FKBP5: variants seen among roughly 807,000 people sequenced by gnomAD.
FKBP5 encodes the protein peptidyl-prolyl cis-trans isomerase FKBP5.
FKBP5 carries 23 observed loss-of-function variants against 50.5 expected under a neutral mutation model. That is an observed-to-expected ratio of 0.46 (90% confidence interval 0.33 to 0.65). The LOEUF (loss-of-function observed/expected upper bound fraction) is 0.65. FKBP5 is among the 30% of genes least tolerant of loss of function. The probability of loss-of-function intolerance (pLI) is 0.02; values close to 1 mark genes in which losing one functional copy is unlikely to be tolerated. For missense variants in FKBP5, 411 were observed against 553.1 expected (o/e 0.74, Z 2.58); for synonymous variants, 176 against 190.6 (o/e 0.92, Z 0.63).
At chr6:35,666,511 A>G (rs9368881) in intron 1 of FKBP5, among the ~76,000 whole-genome samples, 96,358 of 151,270 alleles carry the variant, frequency 0.64, 31,016 homozygotes, top group East Asian at 0.68. Flanking sequence ...TTACAAACGA[A>G]TTGATATGGA....
upstream of FKBP5, among the ~76,000 whole-genome samples, chr6:35,690,188 G>A (rs948238213): frequency 6.6e-6 from 1 of 152,228 alleles, no homozygotes; most frequent in African/African-American, 2.4e-5. Context: ...ATGCCTGGGC[G>A]CCGGGCGCGG....
chr6:35,630,540 G>A (rs115266770), intron 3 of FKBP5, among the ~76,000 whole-genome samples: 3,556 of 152,038 alleles, frequency 0.023, 93 homozygotes, highest in African/African-American at 0.055. Flanking sequence ...GCGAGACTCC[G>A]TCTCAAAAAA....
At chr6:35,636,956 T>C (rs1030968505) in intron 3 of FKBP5, 58 bp downstream of exon 3, 3 of 1,472,654 alleles carry the variant, frequency 2.0e-6, no homozygotes, top group African/African-American at 1.4e-5. Context: ...TCTGCTCCTA[T>C]ATATTACAAA....
chr6:35,711,183 G>A (rs763751813), intron 2 of FKBP5, among the ~76,000 whole-genome samples: 1 of 152,040 alleles, frequency 6.6e-6, no homozygotes, highest in Non-Finnish European at 1.5e-5. Context: ...CAAGAGTGGT[G>A]GCTCGCACCT....
At chr6:35,621,168 C>T (rs956366739) in intron 3 of FKBP5, among the ~76,000 whole-genome samples, 39 of 152,238 alleles carry the variant, frequency 2.6e-4, no homozygotes, top group Middle Eastern at 6.8e-3. Context: ...TGCCTACTTC[C>T]AGGAAACTAA....
chr6:35,727,232 C>T (rs902345700), intron 1 of FKBP5, among the ~76,000 whole-genome samples: 1 of 152,170 alleles, frequency 6.6e-6, no homozygotes, highest in African/African-American at 2.4e-5. Flanking sequence ...GCCTTCCACA[C>T]GGTAAACGTG....
intron 5 of FKBP5, among the ~76,000 whole-genome samples, chr6:35,602,357 T>A (rs1231757211): frequency 6.6e-6 from 1 of 152,098 alleles, no homozygotes; most frequent in Non-Finnish European, 1.5e-5. Context: ...CTAATTATAG[T>A]AGTTGGTGTC....
At chr6:35,681,889 C>T (rs1460179571) in intron 1 of FKBP5, among the ~76,000 whole-genome samples, 1 of 152,032 alleles carries the variant, frequency 6.6e-6, no homozygotes, top group Non-Finnish European at 1.5e-5. Context: ...TCTGATCACG[C>T]CACTGCACTC....
intron 1 of FKBP5, among the ~76,000 whole-genome samples, chr6:35,649,164 T>C (rs1018654893): frequency 1.4e-5 from 2 of 143,792 alleles, no homozygotes; most frequent in African/African-American, 5.2e-5. Flanking sequence ...GGCAGAAGAA[T>C]GGCGTGAACC....
At chr6:35,681,830 A>T (rs1765669212) in intron 1 of FKBP5, among the ~76,000 whole-genome samples, 1 of 152,216 alleles carries the variant, frequency 6.6e-6, no homozygotes. Flanking sequence ...ATATTTATAC[A>T]TATGTGTAAT....
intron 2 of FKBP5, 136 bp downstream of exon 2, chr6:35,642,584 T>G: frequency 6.0e-5 from 34 of 563,406 alleles, no homozygotes; most frequent in East Asian, 1.2e-4. Context: ...GAAGACAAAA[T>G]GAGAATCTAG....
At chr6:35,672,346 G>A (rs1046878139) in intron 1 of FKBP5, among the ~76,000 whole-genome samples, 1 of 151,800 alleles carries the variant, frequency 6.6e-6, no homozygotes, top group African/African-American at 2.4e-5. Context: ...CTGATACAAA[G>A]TATTGAGGAC....
At chr6:35,717,236 A>T (rs762011271) in intron 2 of FKBP5, among the ~76,000 whole-genome samples, 5 of 152,230 alleles carry the variant, frequency 3.3e-5, no homozygotes, top group Non-Finnish European at 5.9e-5. Flanking sequence ...AACTGAGCCC[A>T]CATTTCCCCT....
intron 1 of FKBP5, among the ~76,000 whole-genome samples, chr6:35,654,593 C>G (rs534285014): frequency 6.6e-6 from 1 of 152,006 alleles, no homozygotes; most frequent in African/African-American, 2.4e-5. Context: ...CTGGCACTTT[C>G]TTTCTTGACT....
chr6:35,613,217 A>G (rs77946732), intron 5 of FKBP5, among the ~76,000 whole-genome samples: 3,505 of 151,132 alleles, frequency 0.023, 134 homozygotes, highest in African/African-American at 0.081. Flanking sequence ...TATTTATTTT[A>G]TTTATTTATT....
At chr6:35,622,972 G>A (rs1763889579) in intron 3 of FKBP5, among the ~76,000 whole-genome samples, 1 of 152,222 alleles carries the variant, frequency 6.6e-6, no homozygotes, top group African/African-American at 2.4e-5. Flanking sequence ...GCCGGGCGTG[G>A]TGGCTCACGC....
intron 1 of FKBP5, among the ~76,000 whole-genome samples, chr6:35,724,668 A>G (rs979770723): frequency 6.6e-6 from 1 of 151,494 alleles, no homozygotes. Context: ...AGGTGGGAGG[A>G]CTGCTTGAGC....
intron 3 of FKBP5, among the ~76,000 whole-genome samples, chr6:35,622,475 C>G (rs1300909689): frequency 6.6e-6 from 1 of 151,404 alleles, no homozygotes; most frequent in Non-Finnish European, 1.5e-5. Flanking sequence ...TATGTCACTG[C>G]ACTCCAGACT....
At chr6:35,705,261 T>C (rs1436170389) in intron 2 of FKBP5, among the ~76,000 whole-genome samples, 1 of 6,108 alleles carries the variant, frequency 1.6e-4, no homozygotes, top group South Asian at 6.8e-3. Flanking sequence ...TATATATATT[T>C]TTTTTTTTTT....
Sources: allele counts gnomAD v4.1 joint callset (sites outside exome capture counted in the v4.1 genomes callset), GRCh38; gene constraint gnomAD v4.1.1; transcripts MANE v1.5; gene names NCBI Gene and HGNC (gene_info 2026-07-23, HGNC 2026-07-21).